Variants in FGF13 observed in about 807,000 individuals in gnomAD.
The protein encoded by FGF13 is fibroblast growth factor 13, also known as fibroblast growth factor homologous factor 2.
FGF13 carries 2 observed loss-of-function variants against 19.5 expected under a neutral mutation model. The observed-to-expected ratio is 0.10, with a 90% confidence interval of 0.04 to 0.32. FGF13 has a LOEUF of 0.32. FGF13 is among the 10% of genes least tolerant of loss of function. The probability of loss-of-function intolerance (pLI) is 1.00; values close to 1 mark genes in which losing one functional copy is unlikely to be tolerated. For synonymous variants in FGF13, 72 were observed against 76.9 expected, an observed-to-expected ratio of 0.94 and a Z score of 0.33; for missense variants, 113 against 192.7, an observed-to-expected ratio of 0.59 and a Z score of 2.45.
At chrX:138,662,210 C>G (rs1323320168) in intron 3 of FGF13, among the ~76,000 whole-genome samples, 1 of 111,653 alleles carries the variant, frequency 9.0e-6, no homozygotes, top group Non-Finnish European at 1.9e-5. Context: ...GATTCACTTC[C>G]TGAGCATTGA....
chrX:138,750,421 C>T (rs1441115585), intron 3 of FGF13, among the ~76,000 whole-genome samples: 2 of 110,574 alleles, frequency 1.8e-5, no homozygotes, highest in Admixed American at 9.7e-5. Flanking sequence ...CTTTAGTTAA[C>T]ATCTTTAAAA....
chrX:138,911,897 C>A (rs747340003), intron 1 of FGF13, among the ~76,000 whole-genome samples: 11 of 112,035 alleles, frequency 9.8e-5, no homozygotes, highest in African/African-American at 3.6e-4. Flanking sequence ...GACTTAAATG[C>A]ATATGGAAAT....
intron 1 of FGF13, among the ~76,000 whole-genome samples, chrX:138,885,369 G>A (rs1372405213): frequency 9.0e-6 from 1 of 111,419 alleles, no homozygotes; most frequent in Non-Finnish European, 1.9e-5. Context: ...AGAGAAGGGG[G>A]TGACTATAAG....
At chrX:139,028,141 C>G (rs940675841) in intron 1 of FGF13, among the ~76,000 whole-genome samples, 1 of 111,317 alleles carries the variant, frequency 9.0e-6, no homozygotes, top group African/African-American at 3.3e-5. Flanking sequence ...AAAGCTGAGA[C>G]TGCAGTATAT....
chrX:138,866,499 G>A (rs1375746083), intron 1 of FGF13, among the ~76,000 whole-genome samples: 1 of 111,674 alleles, frequency 9.0e-6, no homozygotes, highest in South Asian at 3.8e-4. Flanking sequence ...AACCTTGGGC[G>A]ATGTGGCAGA....
intron 1 of FGF13, among the ~76,000 whole-genome samples, chrX:139,062,147 T>G (rs1292325265): frequency 2.7e-5 from 3 of 111,550 alleles, no homozygotes; most frequent in African/African-American, 9.8e-5. Flanking sequence ...CCCAGGCCAA[T>G]GTCACGGAGC....
At chrX:138,994,998 A>T in intron 1 of FGF13, among the ~76,000 whole-genome samples, 1 of 109,839 alleles carries the variant, frequency 9.1e-6, no homozygotes, top group Non-Finnish European at 1.9e-5. Context: ...AAAAAAAAAA[A>T]AAAAGCATCT....
At chrX:138,678,841 C>A (rs2089699842) in intron 3 of FGF13, among the ~76,000 whole-genome samples, 1 of 111,601 alleles carries the variant, frequency 9.0e-6, no homozygotes, top group Admixed American at 9.5e-5. Flanking sequence ...ATTAAAAGTT[C>A]AAAAATCCTG....
At chrX:139,033,437 A>G (rs1361616987) in intron 1 of FGF13, among the ~76,000 whole-genome samples, 29 of 111,694 alleles carry the variant, frequency 2.6e-4, no homozygotes, top group Non-Finnish European at 1.9e-5. Context: ...GAGAATTTTC[A>G]CCAGGTTAGT....
chrX:138,868,970 A>G (rs1429540049), intron 1 of FGF13, among the ~76,000 whole-genome samples: 1 of 111,411 alleles, frequency 9.0e-6, no homozygotes, highest in African/African-American at 3.3e-5. Flanking sequence ...AAAAAAAATT[A>G]TAGTGCAAAT....
chrX:138,821,696 A>G (rs976406171), intron 3 of FGF13, among the ~76,000 whole-genome samples: 3 of 111,943 alleles, frequency 2.7e-5, no homozygotes, highest in Non-Finnish European at 5.6e-5. Context: ...CTACTAGAAA[A>G]TGTAAAATTA....
At chrX:138,635,011 G>A (rs1240212793) in intron 4 of FGF13, among the ~76,000 whole-genome samples, 29 of 111,778 alleles carry the variant, frequency 2.6e-4, no homozygotes, top group Admixed American at 1.9e-4. Context: ...ATCAATCAAC[G>A]AGTGGATAAA....
intron 3 of FGF13, among the ~76,000 whole-genome samples, chrX:138,825,953 A>G (rs775818638): frequency 1.9e-4 from 21 of 111,362 alleles, no homozygotes; most frequent in African/African-American, 6.8e-4. Flanking sequence ...CTAACTCCTT[A>G]GGCAATAAAG....
At chrX:139,080,408 T>C (rs746443990) in intron 1 of FGF13, among the ~76,000 whole-genome samples, 1 of 112,167 alleles carries the variant, frequency 8.9e-6, no homozygotes, top group Admixed American at 9.5e-5. Flanking sequence ...ATCTGTCATG[T>C]TATAAAATAA....
chrX:138,805,857 A>G, intron 3 of FGF13, among the ~76,000 whole-genome samples: 1 of 109,562 alleles, frequency 9.1e-6, no homozygotes, highest in East Asian at 2.9e-4. Flanking sequence ...CCCTTTTTTC[A>G]CTCCCACTTT....
intron 1 of FGF13, among the ~76,000 whole-genome samples, chrX:138,967,820 T>G (rs1273191174): frequency 9.0e-6 from 1 of 111,456 alleles, no homozygotes; most frequent in African/African-American, 3.3e-5. Context: ...GTGGAGGAGA[T>G]GAAATGGAAA....
At chrX:138,639,804 C>G (rs1202499004) in intron 3 of FGF13, among the ~76,000 whole-genome samples, 1 of 109,879 alleles carries the variant, frequency 9.1e-6, no homozygotes. Flanking sequence ...TCCTGGCTAA[C>G]ACAGTGAAAC....
At chrX:138,650,227 C>A (rs1013708705) in intron 3 of FGF13, among the ~76,000 whole-genome samples, 2 of 112,242 alleles carry the variant, frequency 1.8e-5, no homozygotes, top group African/African-American at 6.5e-5. Flanking sequence ...ACTAGAATAA[C>A]CTGCTTGAGC....
rs922292014 is a variant in FGF13, at chrX:138,749,954, T to C, written c.218-41026A>G. On this transcript the variant is annotated intron_variant, in intron 3 of 6. Coordinates refer to the FGF13 transcript ENST00000436198. ...GGCTGCAGCATGAAGACTAGTATGG[T>C]GGTTGTAGCCACAAGACTAGAGGCA... 4.4e-4 allele frequency among the ~76,000 whole-genome samples: 49 copies of C among 112,023 alleles called. 1 individual carries two copies. Among genetic ancestry groups the C allele is most frequent in the African/African-American group, 1.6e-3 (48 of 30,832 alleles).
Sources: allele counts gnomAD v4.1 joint callset (sites outside exome capture counted in the v4.1 genomes callset), GRCh38; gene constraint gnomAD v4.1.1; transcripts MANE v1.5; gene names NCBI Gene and HGNC (gene_info 2026-07-23, HGNC 2026-07-21).